Variants in PRLR observed in about 807,000 individuals in gnomAD.
The protein encoded by PRLR is prolactin receptor, also known as hPRL receptor.
In PRLR, 13 loss-of-function variants were observed where a neutral mutation model predicts 40.2. That is an observed-to-expected ratio of 0.32 (90% CI 0.21 to 0.51). PRLR has a LOEUF of 0.51. Among genes scored for constraint, PRLR ranks in the 20% least tolerant of loss-of-function variants. The pLI is 0.97. For synonymous variants in PRLR, 269 were observed against 278.7 expected, an observed-to-expected ratio of 0.97 and a Z score of 0.35; for missense variants, 656 against 747.3, an observed-to-expected ratio of 0.88 and a Z score of 1.42.
intron 9 of PRLR, among the ~76,000 whole-genome samples, chr5:35,066,456 G>A (rs1474937897): frequency 1.3e-5 from 2 of 152,232 alleles, no homozygotes; most frequent in East Asian, 3.9e-4. Flanking sequence ...CGGCCCACTG[G>A]CAGAGGTGTG....
intron 2 of PRLR, among the ~76,000 whole-genome samples, chr5:35,096,138 C>G (rs1363245058): frequency 6.6e-6 from 1 of 152,228 alleles, no homozygotes; most frequent in Non-Finnish European, 1.5e-5. Flanking sequence ...GAAGAACCAT[C>G]TCCTGGCTTC....
At chr5:35,182,205 G>A (rs1036765189) in intron 1 of PRLR, among the ~76,000 whole-genome samples, 3 of 152,136 alleles carry the variant, frequency 2.0e-5, no homozygotes, top group Non-Finnish European at 4.4e-5. Context: ...ACTCATAATG[G>A]CTGACCTAAA....
At chr5:35,177,138 C>T (rs1775171508) in intron 1 of PRLR, among the ~76,000 whole-genome samples, 1 of 152,224 alleles carries the variant, frequency 6.6e-6, no homozygotes, top group Non-Finnish European at 1.5e-5. Flanking sequence ...TCTTGTGACC[C>T]TGACACCTCC....
intron 1 of PRLR, among the ~76,000 whole-genome samples, chr5:35,181,295 T>A (rs1218677917): frequency 6.6e-6 from 1 of 150,768 alleles, no homozygotes; most frequent in African/African-American, 2.5e-5. Context: ...TTGTTTTACA[T>A]TAACTAGGCA....
rs1365300230 is a variant in PRLR at position 35,065,909 on chromosome 5, C to G, written c.1049G>C (p.Gly350Ala). 1 of 1,614,010 alleles carries G rather than the reference C, an allele frequency of 6.2e-7. No individual in the cohort carries two copies. Among genetic ancestry groups the G allele is most frequent in the Non-Finnish European group, 8.5e-7 (1 of 1,180,032 alleles). ...GGAAGGGCTGTCACAGCTCCCCCGGCCTGAGTCAGTGTCAGGATCCAGGTA... is the reference window on the plus strand; with the variant it reads ...GGAAGGGCTGTCACAGCTCCCCCGGGCTGAGTCAGTGTCAGGATCCAGGTA... ...PTYLDPDTDS[G>A]RGSCDSPSLL... The change falls in exon 10 of 10, where the codon GGC becomes GCC. Residue 350 changes from glycine (G) to alanine (A), a missense_variant. Transcript: ENST00000618457.
At chr5:35,156,606 T>G (rs1774516268) in intron 1 of PRLR, among the ~76,000 whole-genome samples, 1 of 152,174 alleles carries the variant, frequency 6.6e-6, no homozygotes, top group Non-Finnish European at 1.5e-5. Context: ...TGCTCCTGAA[T>G]GTACCGGGCA....
intron 1 of PRLR, among the ~76,000 whole-genome samples, chr5:35,210,438 T>G (rs1465695107): frequency 2.6e-5 from 4 of 152,318 alleles, no homozygotes; most frequent in Admixed American, 2.6e-4. Flanking sequence ...TACAAGACTT[T>G]CAATGACACA....
intron 1 of PRLR, among the ~76,000 whole-genome samples, chr5:35,210,917 G>T (rs180724519): frequency 6.8e-4 from 103 of 152,112 alleles, no homozygotes; most frequent in Non-Finnish European, 1.0e-3. Context: ...TCGCTATGTT[G>T]CCCAGGCTGG....
chr5:35,139,432 C>T (rs1773950415), intron 1 of PRLR, among the ~76,000 whole-genome samples: 1 of 152,000 alleles, frequency 6.6e-6, no homozygotes, highest in Non-Finnish European at 1.5e-5. Flanking sequence ...CTACAATTTT[C>T]AACAAGTGCT....
chr5:35,093,641 G>A (rs1350239240), intron 2 of PRLR, among the ~76,000 whole-genome samples: 1 of 152,162 alleles, frequency 6.6e-6, no homozygotes, highest in Admixed American at 6.5e-5. Context: ...TGCAAACTCA[G>A]TTCCTGGATA....
intron 1 of PRLR, among the ~76,000 whole-genome samples, chr5:35,140,725 G>A (rs192639194): frequency 6.6e-6 from 1 of 152,304 alleles, no homozygotes; most frequent in East Asian, 1.9e-4. Flanking sequence ...CATTCAGCTG[G>A]CTATAACATG....
intron 1 of PRLR, among the ~76,000 whole-genome samples, chr5:35,174,089 T>C (rs1485191073): frequency 0.018 from 1,231 of 67,790 alleles, 19 homozygotes; most frequent in African/African-American, 0.1. Context: ...GGTGTTCGGT[T>C]TTTTTTTTTT....
At chr5:35,049,049 G>C in exon 9 of PRLR, 3 of 615,736 alleles carry the variant, frequency 4.9e-6, no homozygotes, top group Non-Finnish European at 9.0e-6. Flanking sequence ...AGCAGAGGGA[G>C]TATGTTACAT....
At chr5:35,176,573 A>G (rs1381529775) in intron 1 of PRLR, among the ~76,000 whole-genome samples, 3 of 152,238 alleles carry the variant, frequency 2.0e-5, no homozygotes, top group Non-Finnish European at 4.4e-5. Context: ...TAAATGGATT[A>G]AGGGCGGTGC....
intron 5 of PRLR, among the ~76,000 whole-genome samples, chr5:35,082,326 A>G (rs1016827797): frequency 6.6e-6 from 1 of 152,264 alleles, no homozygotes; most frequent in Admixed American, 6.5e-5. Context: ...TACATACTAA[A>G]CAATGCTTCT....
intron 1 of PRLR, among the ~76,000 whole-genome samples, chr5:35,143,486 G>A (rs561842316): frequency 6.6e-5 from 10 of 152,232 alleles, no homozygotes; most frequent in African/African-American, 2.4e-4. Flanking sequence ...ATCACCTTAT[G>A]CAAAGTACCT....
intron 1 of PRLR, among the ~76,000 whole-genome samples, chr5:35,169,106 T>A (rs571963704): frequency 6.6e-6 from 1 of 152,262 alleles, no homozygotes; most frequent in Admixed American, 6.5e-5. Flanking sequence ...ATTAACTTCA[T>A]TAATGCTAGG....
chr5:35,101,380 C>T (rs1232787130), intron 2 of PRLR, among the ~76,000 whole-genome samples: 1 of 152,138 alleles, frequency 6.6e-6, no homozygotes, highest in African/African-American at 2.4e-5. Context: ...TTCTTGATTC[C>T]TCCAGTAACC....
At chr5:35,160,059 A>G (rs1774630989) in intron 1 of PRLR, among the ~76,000 whole-genome samples, 1 of 152,244 alleles carries the variant, frequency 6.6e-6, no homozygotes, top group Non-Finnish European at 1.5e-5. Flanking sequence ...TACCCAAGGT[A>G]CAGGATCAAT....
Sources: allele counts gnomAD v4.1 joint callset (sites outside exome capture counted in the v4.1 genomes callset), GRCh38; gene constraint gnomAD v4.1.1; transcripts MANE v1.5; gene names NCBI Gene and HGNC (gene_info 2026-07-23, HGNC 2026-07-21).